The following MDFI variants were observed in gnomAD, a reference collection of about 807,000 sequenced individuals.
MDFI encodes the protein inhibitor of MyoD family a.
In MDFI, 16 loss-of-function variants were observed where a neutral mutation model predicts 22.3. The ratio of observed to expected loss-of-function variants is 0.72; its 90% CI spans 0.49 to 1.09. MDFI has a LOEUF of 1.09. Ranked by LOEUF, MDFI falls within the 50% of genes least tolerant of loss-of-function variation. The probability of loss-of-function intolerance (pLI) is 0.00; values close to 1 mark genes in which losing one functional copy is unlikely to be tolerated. For missense variants in MDFI, 314 were observed against 326.1 expected (o/e 0.96, Z 0.29); for synonymous variants, 145 against 142.7 (o/e 1.02, Z -0.12).
intron 3 of MDFI, among the ~76,000 whole-genome samples, chr6:41,647,654 A>C (rs1231720897): frequency 1.0e-4 from 10 of 95,720 alleles, no homozygotes; most frequent in South Asian, 6.4e-4. Context: ...TGCCCTCCCC[A>C]CTCCACTTCC....
At chr6:41,642,324 G>T (rs1254245844) in intron 2 of MDFI, among the ~76,000 whole-genome samples, 1 of 152,102 alleles carries the variant, frequency 6.6e-6, no homozygotes, top group African/African-American at 2.4e-5. Context: ...CCACACGGGG[G>T]GCCTCCTTCA....
intron 4 of MDFI, among the ~76,000 whole-genome samples, chr6:41,650,971 C>G (rs968888019): frequency 6.6e-6 from 1 of 151,956 alleles, no homozygotes; most frequent in Non-Finnish European, 1.5e-5. Flanking sequence ...TGGGATCCAC[C>G]GAGGCAGGTG....
At chr6:41,644,370 C>T (rs1448576488) in intron 2 of MDFI, among the ~76,000 whole-genome samples, 1 of 152,172 alleles carries the variant, frequency 6.6e-6, no homozygotes, top group Non-Finnish European at 1.5e-5. Flanking sequence ...CCTCCCTCCC[C>T]ATTGCCCCAG....
At chr6:41,652,599 T>G (rs1369540459) in intron 4 of MDFI, among the ~76,000 whole-genome samples, 2 of 140,680 alleles carry the variant, frequency 1.4e-5, no homozygotes, top group African/African-American at 5.2e-5. Flanking sequence ...ACTTAACTAC[T>G]CTCCCTCTCT....
chr6:41,646,202 G>T lies in MDFI; in HGVS notation c.153G>T (p.Glu51Asp). 6.3e-7 allele frequency: 1 copy of T among 1,592,854 alleles called. No homozygotes were observed. The highest frequency in any genetic ancestry group is 1.1e-5 in the South Asian group (1 of 87,730). ...ACCCTGCGGAGGCAGCACCAGAGGAGGGCTCCCTGGAGGAGGCGGCAACCC... is the reference window on the plus strand; with the variant it reads ...ACCCTGCGGAGGCAGCACCAGAGGATGGCTCCCTGGAGGAGGCGGCAACCC... ...STHPAEAAPE[E>D]GSLEEAATPM... Residue 51 changes from glutamate (E) to aspartate (D), a missense_variant, in exon 3 of 5, where the codon GAG becomes GAT. Transcript: ENST00000230321.
chr6:41,649,228 G>A (rs1440575404), intron 3 of MDFI, among the ~76,000 whole-genome samples: 5 of 152,222 alleles, frequency 3.3e-5, no homozygotes, highest in South Asian at 2.1e-4. Context: ...TCACTGCTGC[G>A]CTCCCAACCC....
intron 3 of MDFI, 88 bp downstream of exon 3, chr6:41,646,396 C>T (rs1768054655): frequency 1.6e-6 from 2 of 1,217,004 alleles, no homozygotes; most frequent in African/African-American, 1.6e-5. Flanking sequence ...AAAATGGGTG[C>T]ACCCGCTTGG....
chr6:41,650,573 CTTTTTTTT>C (rs34897556), intron 4 of MDFI, among the ~76,000 whole-genome samples: 11 of 129,660 alleles, frequency 8.5e-5, no homozygotes, highest in African/African-American at 3.2e-4. Flanking sequence ...AGTCTTTTTC[CTTTTTTTT>C]TTTTTTTTTT....
At chr6:41,652,454 G>A (rs375654511) in intron 4 of MDFI, among the ~76,000 whole-genome samples, 1 of 152,298 alleles carries the variant, frequency 6.6e-6, no homozygotes, top group Non-Finnish European at 1.5e-5. Flanking sequence ...GATCCAACAG[G>A]TATTTCTAAA....
At chr6:41,651,285 G>A (rs904782462) in intron 4 of MDFI, among the ~76,000 whole-genome samples, 1 of 149,444 alleles carries the variant, frequency 6.7e-6, no homozygotes, top group African/African-American at 2.5e-5. Context: ...ATCGCCATAC[G>A]ATGTGATAAG....
chr6:41,643,592 G>GTGA (rs1767940398), intron 2 of MDFI, among the ~76,000 whole-genome samples: 1 of 75,564 alleles, frequency 1.3e-5, no homozygotes, highest in Non-Finnish European at 3.2e-5. Context: ...GAGGGAGGGA[G>GTGA]GGAGGGAGGG....
At chr6:41,642,241 A>G (rs965436986) in intron 2 of MDFI, among the ~76,000 whole-genome samples, 13 of 152,070 alleles carry the variant, frequency 8.5e-5, no homozygotes, top group African/African-American at 2.9e-4. Context: ...GGCACCTACT[A>G]GGAGGGCAAG....
At chr6:41,638,304 C>T (rs1227210800), upstream of MDFI, 1 of 168,242 alleles carries the variant, frequency 5.9e-6, no homozygotes, top group African/African-American at 2.4e-5. This position sits in a 1 kb window ranked among gnomAD's most constrained non-coding sequence, Gnocchi z 7.6. Context: ...GCCCCGCGGA[C>T]AGACGTGTCC....
Position 41,646,257 on chromosome 6 carries a change from C to T in MDFI, c.208C>T (p.Pro70Ser), listed in dbSNP as rs200055501. ...GCCCCAAGGCAATGGCCCTGGCATC[C>T]CCCAGGGCCTGGACAGCACTGACCT... is the stretch of plus-strand genomic sequence containing the variant. ...PMPQGNGPGI[P>S]QGLDSTDLDV... The change falls in exon 3 of 5, where the codon CCC (proline) becomes TCC (serine). Residue 70 changes from proline to serine, a missense_variant. Pro to Ser is a moderately conservative substitution (Grantham distance 74). Transcript: ENST00000230321. 1.5e-5 allele frequency: 24 copies of T among 1,569,482 alleles called. No individual in the cohort carries two copies. In the Admixed American group the frequency reaches 3.1e-4, roughly 20 times the overall value.
chr6:41,646,183 C>G lies in MDFI; in HGVS notation c.134C>G (p.Ala45Gly), dbSNP rs144261097. Residue 45 changes from alanine (A) to glycine (G), a missense_variant, in exon 3 of 5, where the codon GCG (alanine) becomes GGG (glycine). Transcript: ENST00000230321. The part of the protein sequence containing the change: ...LEVVTGSTHP[A>G]EAAPEEGSLE... ...GTAGTAACAGGATCCACTCACCCTGCGGAGGCAGCACCAGAGGAGGGCTCC... is the reference window on the plus strand; with the variant it reads ...GTAGTAACAGGATCCACTCACCCTGGGGAGGCAGCACCAGAGGAGGGCTCC... 1 of 1,589,114 alleles carries G rather than the reference C, an allele frequency of 6.3e-7. No individual in the cohort carries two copies. Among genetic ancestry groups the G allele is most frequent in the African/African-American group, 1.4e-5 (1 of 73,872 alleles).
chr6:41,647,334 C>T (rs1768088006), intron 3 of MDFI, among the ~76,000 whole-genome samples: 1 of 152,218 alleles, frequency 6.6e-6, no homozygotes, highest in South Asian at 2.1e-4. Flanking sequence ...TGTGTCTGTC[C>T]ACGTCGCCCA....
chr6:41,646,249 C>T lies in MDFI; in HGVS notation c.200C>T (p.Pro67Leu). 1 of 1,577,328 alleles carries T rather than the reference C, an allele frequency of 6.3e-7. No individual in the cohort carries two copies. Among genetic ancestry groups the T allele is most frequent in the Non-Finnish European group, 8.6e-7 (1 of 1,163,002 alleles). Residue 67 changes from proline to leucine, a missense_variant, in exon 3 of 5, where the codon CCT (proline) becomes CTT (leucine). By Grantham distance (98) the Pro-to-Leu change is moderately conservative. Coordinates refer to ENST00000230321, the MANE Select transcript of MDFI (RefSeq NM_005586.4). ...ACCCCCATGCCCCAAGGCAATGGCC[C>T]TGGCATCCCCCAGGGCCTGGACAGC... Reference protein sequence around the residue: ...AATPMPQGNGPGIPQGLDSTD... With the variant: ...AATPMPQGNGLGIPQGLDSTD...
intron 2 of MDFI, among the ~76,000 whole-genome samples, chr6:41,643,563 AAGG>A (rs1321103716): frequency 1.0e-5 from 1 of 97,094 alleles, no homozygotes; most frequent in South Asian, 4.5e-4. Context: ...GGAAGGAAGG[AAGG>A]AAGGAAGGAA....
chr6:41,650,662 C>T (rs1238768260), intron 4 of MDFI, among the ~76,000 whole-genome samples: 1 of 148,796 alleles, frequency 6.7e-6, no homozygotes, highest in Non-Finnish European at 1.5e-5. Flanking sequence ...CAACCTCCTT[C>T]TCCCGGGTTC....
Sources: gnomAD v4.1 joint callset for allele counts (sites outside exome capture counted in the v4.1 genomes callset) on GRCh38, gnomAD v4.1.1 for gene constraint, Gnocchi (gnomAD v3.1) non-coding constraint, MANE v1.5 for transcripts, NCBI Gene and HGNC (gene_info 2026-07-23, HGNC 2026-07-21) for gene names.